Variants in ARMH4 observed in about 807,000 individuals in gnomAD.
ARMH4 encodes armadillo-like helical domain-containing protein 4.
In ARMH4, 49 loss-of-function variants were observed where a neutral mutation model predicts 61.9. That is an observed-to-expected ratio of 0.79 (90% CI 0.63 to 1.00). The LOEUF (loss-of-function observed/expected upper bound fraction) is 1.00. ARMH4 is among the 50% of genes least tolerant of loss of function. The pLI is 0.00. For missense variants in ARMH4, 934 were observed against 930.0 expected (o/e 1.00, Z -0.06); for synonymous variants, 368 against 341.5 (o/e 1.08, Z -0.85).
intron 1 of ARMH4, among the ~76,000 whole-genome samples, chr14:58,148,881 G>A (rs1320278027): frequency 7.2e-6 from 1 of 138,214 alleles, no homozygotes; most frequent in Non-Finnish European, 1.6e-5. Flanking sequence ...ACACACACAC[G>A]CAACAGACCA....
At chr14:58,141,546 C>T (rs1887552372) in intron 1 of ARMH4, 1 of 522,876 alleles carries the variant, frequency 1.9e-6, no homozygotes, top group Admixed American at 2.0e-5. Context: ...TCCAGAAATA[C>T]AACTGCGACG....
intron 5 of ARMH4, among the ~76,000 whole-genome samples, chr14:58,088,272 A>C (rs930145140): frequency 6.6e-6 from 1 of 152,142 alleles, no homozygotes; most frequent in African/African-American, 2.4e-5. Context: ...AACTACTACA[A>C]ATCCACAAGT....
chr14:58,083,393 A>G (rs1442933945), intron 5 of ARMH4, among the ~76,000 whole-genome samples: 4 of 152,242 alleles, frequency 2.6e-5, no homozygotes, highest in Non-Finnish European at 4.4e-5. Context: ...CAGCTTGGCC[A>G]ATATAGCAAA....
At chr14:58,058,816 T>C (rs2141210845) in intron 5 of ARMH4, among the ~76,000 whole-genome samples, 1 of 152,302 alleles carries the variant, frequency 6.6e-6, no homozygotes, top group South Asian at 2.1e-4. Context: ...GTTGATTGAA[T>C]TCACAGACAC....
chr14:58,106,804 A>G (rs550054026), intron 4 of ARMH4, among the ~76,000 whole-genome samples: 149 of 150,998 alleles, frequency 9.9e-4, no homozygotes, highest in African/African-American at 3.0e-3. Context: ...TGGTAGGTGA[A>G]AAAAAAAAAA....
Position 58,034,197 on chromosome 14 carries a change from C to T in ARMH4, c.2090-22047G>A, listed in dbSNP as rs1184441767. 5.3e-4 allele frequency among the ~76,000 whole-genome samples: 73 copies of T among 137,302 alleles called. 1 individual carries two copies. Among genetic ancestry groups the T allele is most frequent in the Admixed American group, 1.1e-3 (16 of 14,024 alleles). 90.1% of individuals were successfully genotyped at this position (137,302 alleles called of 152,430 possible). On this transcript the variant is annotated intron_variant, in intron 5 of 7. Transcript: ENST00000267485. ...AAAGGAAAGCCCATCAGACTAATAG[C>T]GGATCTCTCGGCAGAAACCCTACAA...
chr14:58,016,262 C>T (rs139395267), intron 5 of ARMH4, among the ~76,000 whole-genome samples: 1,760 of 151,960 alleles, frequency 0.012, 21 homozygotes, highest in African/African-American at 0.039. Context: ...GAAAACAAAA[C>T]CTTAGGTTAT....
rs879909030 is a variant in ARMH4 at position 58,144,785 on chromosome 14, G to A, written c.-56-5371C>T. Among the ~76,000 whole-genome samples, 11 of 152,120 alleles carry A rather than the reference G, an allele frequency of 7.2e-5. 1 individual carries two copies. Among genetic ancestry groups the A allele is most frequent in the Non-Finnish European group, 1.2e-4 (8 of 67,984 alleles). On this transcript the variant is annotated intron_variant, in intron 1 of 7. Coordinates refer to ENST00000267485, the MANE Select transcript of ARMH4 (RefSeq NM_001001872.4). ...CGGGAGGCTGAGGCAGGAGAATGGCGTGAACCCAGGAGGCCGAGCTTGCCG... is the reference window on the plus strand; with the variant it reads ...CGGGAGGCTGAGGCAGGAGAATGGCATGAACCCAGGAGGCCGAGCTTGCCG...
intron 5 of ARMH4, among the ~76,000 whole-genome samples, chr14:58,029,743 T>A (rs1006215209): frequency 6.6e-6 from 1 of 152,146 alleles, no homozygotes; most frequent in African/African-American, 2.4e-5. Flanking sequence ...AGAACTCTCA[T>A]ACGTTGCTGG....
intron 6 of ARMH4, among the ~76,000 whole-genome samples, chr14:58,005,822 G>C (rs993287963): frequency 1.3e-5 from 2 of 152,202 alleles, no homozygotes; most frequent in African/African-American, 4.8e-5. Context: ...AAGGACAAGG[G>C]GAGAGTGTGC....
At chr14:58,127,535 C>A (rs996069664) in intron 4 of ARMH4, among the ~76,000 whole-genome samples, 1 of 152,124 alleles carries the variant, frequency 6.6e-6, no homozygotes, top group African/African-American at 2.4e-5. Flanking sequence ...TCAGGTATGT[C>A]TTTATTAGCA....
At chr14:58,134,044 G>T (rs534613346) in intron 2 of ARMH4, among the ~76,000 whole-genome samples, 1 of 152,182 alleles carries the variant, frequency 6.6e-6, no homozygotes, top group East Asian at 1.9e-4. Context: ...CTATAAAATG[G>T]GGATAATAAT....
rs530525200 is a variant in ARMH4, at chr14:58,134,719, G to A, written c.1370-1378C>T. ...TGCCTGTAATACCAGCACTTTGGGAGACTGAGGCGGGAGGATCACAAGGTC... is the reference window on the plus strand; with the variant it reads ...TGCCTGTAATACCAGCACTTTGGGAAACTGAGGCGGGAGGATCACAAGGTC... On this transcript the variant is annotated intron_variant, in intron 2 of 7. Transcript: ENST00000267485. Among the ~76,000 whole-genome samples the A allele has an allele frequency of 9.2e-5, 14 of 152,216 alleles. 1 individual carries two copies. In the South Asian group the frequency reaches 2.9e-3, roughly 32 times the overall value.
chr14:58,059,378 C>A (rs1224857460), intron 5 of ARMH4, among the ~76,000 whole-genome samples: 1 of 152,218 alleles, frequency 6.6e-6, no homozygotes, highest in Non-Finnish European at 1.5e-5. Flanking sequence ...CTGTGCAACC[C>A]CAGACAGTGA....
intron 5 of ARMH4, among the ~76,000 whole-genome samples, chr14:58,056,805 C>A (rs548332625): frequency 6.6e-6 from 1 of 152,324 alleles, no homozygotes; most frequent in African/African-American, 2.4e-5. Context: ...AACAACAAAA[C>A]CCTAATCTGG....
At chr14:58,115,303 A>G (rs545088367) in intron 4 of ARMH4, among the ~76,000 whole-genome samples, 6 of 152,270 alleles carry the variant, frequency 3.9e-5, no homozygotes, top group African/African-American at 1.4e-4. Context: ...ATACTTCTCA[A>G]AAGAAGACTT....
intron 4 of ARMH4, among the ~76,000 whole-genome samples, chr14:58,126,441 G>C (rs1886897069): frequency 6.6e-6 from 1 of 152,232 alleles, no homozygotes; most frequent in South Asian, 2.1e-4. Context: ...GAAATTAAGA[G>C]ACACTGCAAA....
chr14:58,032,829 T>C (rs1023306881), intron 5 of ARMH4, among the ~76,000 whole-genome samples: 5 of 152,088 alleles, frequency 3.3e-5, no homozygotes, highest in East Asian at 3.9e-4. Context: ...CACCTGAATA[T>C]TGCGCTTTTC....
At chr14:58,105,834 A>G (rs551061965) in intron 4 of ARMH4, among the ~76,000 whole-genome samples, 1 of 152,292 alleles carries the variant, frequency 6.6e-6, no homozygotes, top group East Asian at 1.9e-4. Flanking sequence ...AAACATTGCA[A>G]TCCAGGAAAG....
Sources: gnomAD v4.1 joint callset for allele counts (sites outside exome capture counted in the v4.1 genomes callset) on GRCh38, gnomAD v4.1.1 for gene constraint, MANE v1.5 for transcripts, NCBI Gene and HGNC (gene_info 2026-07-23, HGNC 2026-07-21) for gene names.